The following DDX25 variants were observed in gnomAD, a reference collection of about 807,000 sequenced individuals.
DDX25 encodes the protein DEAD-box helicase 25.
A neutral mutation model predicts 64.6 loss-of-function variants in DDX25; 70 were observed. That is an observed-to-expected ratio of 1.08 (90% CI 0.89 to 1.32). The LOEUF (loss-of-function observed/expected upper bound fraction) is 1.32, where lower values mean the gene tolerates loss of function less well. Ranked by LOEUF, DDX25 falls within the 40% of genes most tolerant of loss-of-function variation. The probability of loss-of-function intolerance (pLI) is 0.00; values close to 1 mark genes in which losing one functional copy is unlikely to be tolerated. For missense variants in DDX25, 587 were observed against 604.4 expected (o/e 0.97, Z 0.30); for synonymous variants, 211 against 213.3 (o/e 0.99, Z 0.09).
chr11:125,906,058 A>G lies in DDX25; in HGVS notation c.176-16A>G. ...CAGGAAGCTTGATGTCCTCTTTTTT[A>G]TTTTTGCTTTTCTAGTGGATTTGGC... On this transcript the variant is annotated splice_polypyrimidine_tract_variant and intron_variant, in intron 3 of 11. Transcript: ENST00000263576. 3 of 1,525,370 alleles carry G rather than the reference A, an allele frequency of 2.0e-6. No individual in the cohort carries two copies. In the South Asian group the frequency reaches 3.8e-5, roughly 19 times the overall value. The allele number at this position is 1,525,370 out of a possible 1,614,324, so 94.5% of individuals were successfully genotyped here.
intron 4 of DDX25, 114 bp downstream of exon 4, chr11:125,906,323 T>G: frequency 3.0e-6 from 4 of 1,345,760 alleles, no homozygotes; most frequent in Non-Finnish European, 2.9e-6. Flanking sequence ...TATTCAATAT[T>G]TTTTTTTGTT....
At chr11:125,904,666 C>G in intron 1 of DDX25, 86 bp downstream of exon 1, 3 of 1,385,910 alleles carry the variant, frequency 2.2e-6, no homozygotes, top group Non-Finnish European at 2.9e-6. Flanking sequence ...GGAGGGAGAG[C>G]CCGCGAGCGT....
intron 9 of DDX25, among the ~76,000 whole-genome samples, chr11:125,918,166 C>T (rs1289663095): frequency 1.4e-4 from 22 of 152,184 alleles, no homozygotes; most frequent in Admixed American, 1.4e-3. Context: ...CAGGTGTGAG[C>T]CACCGCACCT....
At chr11:125,915,909 T>A (rs1042421753) in intron 8 of DDX25, among the ~76,000 whole-genome samples, 1 of 152,250 alleles carries the variant, frequency 6.6e-6, no homozygotes, top group East Asian at 1.9e-4. Flanking sequence ...TTTAGATAAC[T>A]TATCCACCAG....
intron 10 of DDX25, chr11:125,920,923 C>CACAT (rs775675971): frequency 3.0e-4 from 29 of 97,852 alleles, no homozygotes; most frequent in African/African-American, 1.4e-3. Context: ...CACACATACA[C>CACAT]ACACACACAC....
intron 9 of DDX25, 86 bp from the exon 10 acceptor site, chr11:125,918,542 C>A (rs762269330): frequency 3.3e-6 from 5 of 1,514,512 alleles, no homozygotes; most frequent in Non-Finnish European, 4.5e-6. Flanking sequence ...CTCCCACCCC[C>A]GCCCTGCATG....
Position 125,907,411 on chromosome 11 carries a change from A to G in DDX25, c.312-785A>G, listed in dbSNP as rs536066209. Among the ~76,000 whole-genome samples, 15 of 152,236 alleles carry G rather than the reference A, an allele frequency of 9.9e-5. 1 individual carries two copies. Among genetic ancestry groups the G allele is most frequent in the East Asian group, 1.9e-4 (1 of 5,174 alleles). Reference sequence around the variant, plus strand: ...ATCACGAGGTCAGGAGATCGAGACCATCCTGGCTAACACAGTGAAACCCCG... The same window carrying G: ...ATCACGAGGTCAGGAGATCGAGACCGTCCTGGCTAACACAGTGAAACCCCG... On this transcript the variant is annotated intron_variant, in intron 4 of 11. Coordinates refer to ENST00000263576, the MANE Select transcript of DDX25 (RefSeq NM_013264.5).
intron 9 of DDX25, among the ~76,000 whole-genome samples, 162 bp from the exon 10 acceptor site, chr11:125,918,466 G>A (rs1250121011): frequency 6.6e-6 from 1 of 152,154 alleles, no homozygotes; most frequent in Non-Finnish European, 1.5e-5. Flanking sequence ...GAGGGAGGAT[G>A]CCCTGCCACA....
At position 125,927,494 on chromosome 11, in the gene DDX25, A is replaced by T. The variant is rs927820599; in HGVS notation, c.*4613A>T. 1.7e-4 allele frequency: 26 copies of T among 152,256 alleles called. No homozygotes were observed. Among genetic ancestry groups the T allele is most frequent in the Admixed American group, 1.5e-3 (23 of 15,280 alleles). The allele number at this position is 152,256 out of a possible 1,614,324, so 9.4% of individuals were successfully genotyped here. A position where few individuals can be genotyped will look rare whatever the true frequency, so the allele number is the denominator to read the frequency against. On this transcript the variant is annotated 3_prime_UTR_variant, in exon 12 of 12. Coordinates refer to ENST00000263576, the MANE Select transcript of DDX25 (RefSeq NM_013264.5). ...TTTCTTTGGGAATTAACCTTTGCCC[A>T]TAATTATTTCTGTTCAGTAGAATAA...
upstream of DDX25, chr11:125,904,432 A>C: frequency 2.4e-6 from 3 of 1,261,916 alleles, no homozygotes; most frequent in South Asian, 4.4e-5. Context: ...CCCCCTAAGG[A>C]AGCCCATTGG....
Position 125,921,472 on chromosome 11 carries a change from G to T in DDX25, c.1390+93G>T. ...AGAGCTGGAGTCCAGGGGCTCATGAGAGTAGTAGAAGCAGAATGCATGAGC... is the reference window on the plus strand; with the variant it reads ...AGAGCTGGAGTCCAGGGGCTCATGATAGTAGTAGAAGCAGAATGCATGAGC... On this transcript the variant is annotated intron_variant, in intron 11 of 11. Coordinates refer to ENST00000263576, the MANE Select transcript of DDX25 (RefSeq NM_013264.5). This position sits in a 1 kb window ranked among gnomAD's most constrained non-coding sequence, Gnocchi z 4.1. 7.0e-7 allele frequency: 1 copy of T among 1,425,692 alleles called. No individual in the cohort carries two copies. Among genetic ancestry groups the T allele is most frequent in the Non-Finnish European group, 9.4e-7 (1 of 1,066,990 alleles). 88.3% of individuals were successfully genotyped at this position (1,425,692 alleles called of 1,614,324 possible).
rs1004538786 is a variant in DDX25, at chr11:125,928,633, T to C, written c.*5752T>C. On this transcript the variant is annotated 3_prime_UTR_variant, in exon 12 of 12. Transcript: ENST00000263576. ...AGCAAGGGATATTTTCATTTTAAAA[T>C]TGCTTGGTAACTTTTCTGGTTTATG... 12 of 152,230 alleles carry C rather than the reference T, an allele frequency of 7.9e-5. No homozygotes were observed. The highest frequency in any genetic ancestry group is 5.9e-5 in the Non-Finnish European group (4 of 68,032). 9.4% of individuals were successfully genotyped at this position (152,230 alleles called of 1,614,324 possible). A position where few individuals can be genotyped will look rare whatever the true frequency, so the allele number is the denominator to read the frequency against.
chr11:125,908,537 T>G (rs755737030), intron 6 of DDX25, 34 bp downstream of exon 6: 1 of 1,574,148 alleles, frequency 6.4e-7, no homozygotes, highest in Non-Finnish European at 8.7e-7. Flanking sequence ...TGGGAATGCT[T>G]GCACTACCAG....
At chr11:125,910,158 A>C (rs769964922) in intron 6 of DDX25, among the ~76,000 whole-genome samples, 7 of 152,022 alleles carry the variant, frequency 4.6e-5, no homozygotes, top group Non-Finnish European at 7.4e-5. Flanking sequence ...CTGTTTCTCC[A>C]TTCCTTGGCC....
At chr11:125,915,558 C>T (rs1466860292) in intron 8 of DDX25, among the ~76,000 whole-genome samples, 4 of 152,192 alleles carry the variant, frequency 2.6e-5, no homozygotes, top group African/African-American at 9.7e-5. Context: ...AAGCTTCAAA[C>T]GAGACTACTT....
chr11:125,904,913 C>A (rs550757515), intron 1 of DDX25: 8 of 547,070 alleles, frequency 1.5e-5, no homozygotes, highest in Non-Finnish European at 1.6e-5. Context: ...CATTTGCCAG[C>A]GCACTTTCCT....
chr11:125,904,600 G>A lies in DDX25; in HGVS notation c.63+20G>A, dbSNP rs1444859760. 2.7e-6 allele frequency: 4 copies of A among 1,455,366 alleles called. No homozygotes were observed. Among genetic ancestry groups the A allele is most frequent in the Non-Finnish European group, 3.6e-6 (4 of 1,104,506 alleles). 90.2% of individuals were successfully genotyped at this position (1,455,366 alleles called of 1,614,324 possible). ...AGCCACGTAACCGCCACCGAGCCGGGGGGCCACAGCCGCGGGGGTGGAGCT... is the reference window on the plus strand; with the variant it reads ...AGCCACGTAACCGCCACCGAGCCGGAGGGCCACAGCCGCGGGGGTGGAGCT... On this transcript the variant is annotated intron_variant, in intron 1 of 11. Coordinates refer to ENST00000263576, the MANE Select transcript of DDX25 (RefSeq NM_013264.5).
In DDX25 at chr11:125,925,277, T is replaced by C. The variant is rs997386053; in HGVS notation, c.*2396T>C. 2.7e-6 allele frequency: 1 copy of C among 372,456 alleles called. No individual in the cohort carries two copies. The highest frequency in any genetic ancestry group is 5.5e-6 in the Non-Finnish European group (1 of 182,680). 23.1% of individuals were successfully genotyped at this position (372,456 alleles called of 1,614,324 possible). A position where few individuals can be genotyped will look rare whatever the true frequency, so the allele number is the denominator to read the frequency against. On this transcript the variant is annotated 3_prime_UTR_variant, in exon 12 of 12. Coordinates refer to ENST00000263576, the MANE Select transcript of DDX25 (RefSeq NM_013264.5). The stretch of plus-strand genomic sequence containing the variant: ...ACAAATGTCCTCAGTAATTTTTGTT[T>C]GGCAGCTGTTCCCACAGGTCTGCAT...
Position 125,918,616 on chromosome 11 carries a change from C to T in DDX25, c.1039-12C>T. On this transcript the variant is annotated splice_polypyrimidine_tract_variant and intron_variant, in intron 9 of 11. Transcript: ENST00000263576. ...CTTGGGGTGCTGTGTTGGGTTTTGC[C>T]TTTTTACATAGACTCGTCGAAACGC... The T allele has an allele frequency of 6.2e-7, 1 of 1,610,228 alleles. No individual in the cohort carries two copies. The highest frequency in any genetic ancestry group is 8.5e-7 in the Non-Finnish European group (1 of 1,177,272).
Sources: allele counts gnomAD v4.1 joint callset (sites outside exome capture counted in the v4.1 genomes callset), GRCh38; gene constraint gnomAD v4.1.1; non-coding constraint Gnocchi (gnomAD v3.1); transcripts MANE v1.5; gene names NCBI Gene and HGNC (gene_info 2026-07-23, HGNC 2026-07-21).